The following CRMP1 variants were observed in gnomAD, a reference collection of about 807,000 sequenced individuals.
CRMP1 encodes dihydropyrimidinase-related protein 1.
A neutral mutation model predicts 68.3 loss-of-function variants in CRMP1; 19 were observed. That is an observed-to-expected ratio of 0.28 (90% CI 0.19 to 0.41). The LOEUF (loss-of-function observed/expected upper bound fraction) is 0.41, where lower values mean the gene tolerates loss of function less well. Among genes scored for constraint, CRMP1 ranks in the 10% least tolerant of loss-of-function variants. The pLI, the probability that CRMP1 is intolerant of heterozygous loss-of-function variation, is 1.00. For missense variants in CRMP1, 791 were observed against 967.4 expected, an observed-to-expected ratio of 0.82 and a Z score of 2.42; for synonymous variants, 439 against 399.6, an observed-to-expected ratio of 1.10 and a Z score of -1.18.
chr4:5,865,734 T>A lies in CRMP1; in HGVS notation c.470+934A>T, dbSNP rs78806060. On this transcript the variant is annotated intron_variant, in intron 2 of 13. Coordinates refer to ENST00000324989, the MANE Select transcript of CRMP1 (RefSeq NM_001014809.3). This position sits in a 1 kb window ranked among gnomAD's most constrained non-coding sequence, Gnocchi z 4.1. Reference sequence around the variant, plus strand: ...CCCCAGCCCACCCCATGGGACTACCTTTAGCGACAGGGCCTTTAAGGAGGT... The same window carrying A: ...CCCCAGCCCACCCCATGGGACTACCATTAGCGACAGGGCCTTTAAGGAGGT... 0.021 allele frequency among the ~76,000 whole-genome samples: 3,259 copies of A among 152,086 alleles called. 97 individuals are homozygous for A. Among genetic ancestry groups the A allele is most frequent in the African/African-American group, 0.068 (2,820 of 41,484 alleles).
rs16837738 is a variant in CRMP1, at chr4:5,849,004, T to C, written c.963+388A>G. On this transcript the variant is annotated intron_variant, in intron 6 of 13. Coordinates refer to ENST00000324989, the MANE Select transcript of CRMP1 (RefSeq NM_001014809.3). ...ATTCAAGCCATGGCACATAATATCA[T>C]TTGATCCACACAATAACACTGCCAG... Among the ~76,000 whole-genome samples, 1,262 of 152,274 alleles carry C rather than the reference T, an allele frequency of 8.3e-3. 16 individuals are homozygous for C. Among genetic ancestry groups the C allele is most frequent in the African/African-American group, 0.028 (1,183 of 41,540 alleles).
Position 5,892,738 on chromosome 4 carries a change from G to C in CRMP1, c.232C>G (p.Pro78Ala). 8.2e-7 allele frequency: 1 copy of C among 1,224,708 alleles called. No individual in the cohort carries two copies. The highest frequency in any genetic ancestry group is 1.0e-6 in the Non-Finnish European group (1 of 985,004). 75.9% of individuals were successfully genotyped at this position (1,224,708 alleles called of 1,614,324 possible). The change falls in exon 1 of 14, where the codon CCG becomes GCG. Residue 78 changes from proline to alanine, a missense_variant. Coordinates refer to ENST00000324989, the MANE Select transcript of CRMP1 (RefSeq NM_001014809.3). The surrounding 1 kb of genome is among the most constrained non-coding windows in gnomAD (Gnocchi z 8.6). The stretch of plus-strand genomic sequence containing the variant: ...CTGGCCGTGTCCTCGCTGCCTCCCG[G>C]CCCTGGCAGCCCGACCGCGTCGGGC... ...GRPDAVGLPG[P>A]GGSEDTASDV...
chr4:5,862,918 G>A (rs1366319080), intron 2 of CRMP1, among the ~76,000 whole-genome samples: 3 of 152,034 alleles, frequency 2.0e-5, no homozygotes, highest in Non-Finnish European at 2.9e-5. Context: ...CGATCCTCCC[G>A]CCTCAGCCTC....
chr4:5,892,755 G>T lies in CRMP1; in HGVS notation c.215C>A (p.Ala72Glu). 1 of 1,230,368 alleles carries T rather than the reference G, an allele frequency of 8.1e-7. No homozygotes were observed. Among genetic ancestry groups the T allele is most frequent in the South Asian group, 3.5e-5 (1 of 28,672 alleles). 76.2% of individuals were successfully genotyped at this position (1,230,368 alleles called of 1,614,324 possible). Residue 72 changes from alanine to glutamate, a missense_variant, in exon 1 of 14, where the codon GCG (alanine) becomes GAG (glutamate). By Grantham distance (107) the Ala-to-Glu change is moderately radical. Transcript: ENST00000324989. This position sits in a 1 kb window ranked among gnomAD's most constrained non-coding sequence, Gnocchi z 8.6. ...GCCTCCCGGCCCTGGCAGCCCGACCGCGTCGGGCCGGCCAGCGCTGCGCGG... is the reference window on the plus strand; with the variant it reads ...GCCTCCCGGCCCTGGCAGCCCGACCTCGTCGGGCCGGCCAGCGCTGCGCGG... ...RTPRSAGRPD[A>E]VGLPGPGGSE... is the part of the protein sequence containing the mutation.
rs2152427136 is a variant in CRMP1 at position 5,821,934 on chromosome 4, T to C, written c.1970-83A>G. 1.6e-6 allele frequency: 2 copies of C among 1,252,428 alleles called. No homozygotes were observed. The highest frequency in any genetic ancestry group is 5.0e-5 in the East Asian group (2 of 39,704). 77.6% of individuals were successfully genotyped at this position (1,252,428 alleles called of 1,614,324 possible). ...CTCCTGGAGGCCATGTACTCTGCCA[T>C]GCACTCCACTGGACCCACCTTCATT... On this transcript the variant is annotated intron_variant, in intron 13 of 13. Transcript: ENST00000324989. This position sits in a 1 kb window ranked among gnomAD's most constrained non-coding sequence, Gnocchi z 4.4.
chr4:5,868,268 T>TC (rs1220342414), intron 1 of CRMP1, among the ~76,000 whole-genome samples: 2 of 14,512 alleles, frequency 1.4e-4, no homozygotes, highest in African/African-American at 3.7e-4. Flanking sequence ...TATCTATATA[T>TC]ATATATATAT....
chr4:5,837,057 C>A, intron 9 of CRMP1, 151 bp from the exon 10 acceptor site: 2 of 866,354 alleles, frequency 2.3e-6, no homozygotes, highest in Non-Finnish European at 3.5e-6. Context: ...TGTGCCTGCA[C>A]GTGTCACAAG....
Position 5,843,991 on chromosome 4 carries a change from C to T in CRMP1, c.964-830G>A, listed in dbSNP as rs1431981134. Among the ~76,000 whole-genome samples, 2 of 152,104 alleles carry T rather than the reference C, an allele frequency of 1.3e-5. No homozygotes were observed. The highest frequency in any genetic ancestry group is 2.1e-4 in the South Asian group (1 of 4,822). ...AAAATAAAAAAAAAATTTGACATTG[C>T]CCAGATGCCAGCTGTACTGCTGCTA... On this transcript the variant is annotated intron_variant, in intron 6 of 13. Coordinates refer to ENST00000324989, the MANE Select transcript of CRMP1 (RefSeq NM_001014809.3). The surrounding 1 kb of genome is among the most constrained non-coding windows in gnomAD (Gnocchi z 4.1).
At position 5,842,114 on chromosome 4, in the gene CRMP1, T is replaced by C. The variant is rs1711774272; in HGVS notation, c.1033-686A>G. 2.0e-5 allele frequency among the ~76,000 whole-genome samples: 3 copies of C among 152,168 alleles called. No individual in the cohort carries two copies. The South Asian group carries it at 6.2e-4, about 32-fold the overall frequency. ...ATTAGCCAGTGTGGTGGCAGGTGCC[T>C]GTAGTCCCAGCTACTTGGGAGGCTG... is the stretch of plus-strand genomic sequence containing the variant. On this transcript the variant is annotated intron_variant, in intron 7 of 13. Transcript: ENST00000324989. The surrounding 1 kb of genome is among the most constrained non-coding windows in gnomAD (Gnocchi z 4.5).
chr4:5,843,074 C>T lies in CRMP1; in HGVS notation c.1032+19G>A. 2 of 1,612,942 alleles carry T rather than the reference C, an allele frequency of 1.2e-6. No individual in the cohort carries two copies. The highest frequency in any genetic ancestry group is 1.7e-6 in the Non-Finnish European group (2 of 1,179,292). On this transcript the variant is annotated intron_variant, in intron 7 of 13. Coordinates refer to ENST00000324989, the MANE Select transcript of CRMP1 (RefSeq NM_001014809.3). The surrounding 1 kb of genome is among the most constrained non-coding windows in gnomAD (Gnocchi z 4.1). ...CAGTGGTGAGTGTCAGAGTCATGCC[C>T]AAGTTGAGGAGTCCTTACCTCTTCA... is the stretch of plus-strand genomic sequence containing the variant.
Position 5,870,091 on chromosome 4 carries a change from T to C in CRMP1, c.382-3335A>G, listed in dbSNP as rs1714336577. ...AAAGCTTCTTGCATCAGAATCATAC[T>C]TCCCTCAGAGTGAAAGCCAAGGTCA... On this transcript the variant is annotated intron_variant, in intron 1 of 13. Transcript: ENST00000324989. The surrounding 1 kb of genome is among the most constrained non-coding windows in gnomAD (Gnocchi z 6.0). 6.6e-6 allele frequency among the ~76,000 whole-genome samples: 1 copy of C among 152,190 alleles called. No individual in the cohort carries two copies. Among genetic ancestry groups the C allele is most frequent in the East Asian group, 1.9e-4 (1 of 5,192 alleles).
At chr4:5,827,697 C>T (rs1345278946) in intron 12 of CRMP1, among the ~76,000 whole-genome samples, 1 of 151,332 alleles carries the variant, frequency 6.6e-6, no homozygotes, top group African/African-American at 2.4e-5. Context: ...TACACATGCA[C>T]ACATGACACG....
Position 5,877,635 on chromosome 4 carries a change from AACAC to A in CRMP1, c.382-10883_382-10880del, listed in dbSNP as rs1714930998. On this transcript the variant is annotated intron_variant, in intron 1 of 13. Coordinates refer to ENST00000324989, the MANE Select transcript of CRMP1 (RefSeq NM_001014809.3). This position sits in a 1 kb window ranked among gnomAD's most constrained non-coding sequence, Gnocchi z 4.3. ...AACCGGTATGAGCCTGAATCTAATT[AACAC>A]ACATTCGTTCCCCCTCTCACGGGTA... is the stretch of plus-strand genomic sequence containing the variant. Among the ~76,000 whole-genome samples, 1 of 152,258 alleles carries A rather than the reference AACAC, an allele frequency of 6.6e-6. No homozygotes were observed. Among genetic ancestry groups the A allele is most frequent in the Non-Finnish European group, 1.5e-5 (1 of 68,044 alleles).
At chr4:5,862,851 C>T (rs1194713575) in intron 2 of CRMP1, among the ~76,000 whole-genome samples, 3 of 152,160 alleles carry the variant, frequency 2.0e-5, no homozygotes, top group Non-Finnish European at 4.4e-5. Flanking sequence ...GTCAGCCAGG[C>T]TGGAGTACAG....
chr4:5,885,770 C>G (rs1715541759), intron 1 of CRMP1, among the ~76,000 whole-genome samples: 1 of 152,202 alleles, frequency 6.6e-6, no homozygotes, highest in Non-Finnish European at 1.5e-5. Context: ...CTAGAAGGGC[C>G]AGGGCAAACC....
At chr4:5,884,533 A>G (rs1048479824) in intron 1 of CRMP1, among the ~76,000 whole-genome samples, 2 of 151,484 alleles carry the variant, frequency 1.3e-5, no homozygotes, top group African/African-American at 4.8e-5. Context: ...CAGCCCACCT[A>G]TCCTCCCTGC....
At position 5,842,667 on chromosome 4, in the gene CRMP1, CAT is replaced by C. The variant is rs1228663854; in HGVS notation, c.1032+424_1032+425del. On this transcript the variant is annotated intron_variant, in intron 7 of 13. Coordinates refer to ENST00000324989, the MANE Select transcript of CRMP1 (RefSeq NM_001014809.3). This position sits in a 1 kb window ranked among gnomAD's most constrained non-coding sequence, Gnocchi z 4.5. ...TGTCTCTCTCACACACACACACTAA[CAT>C]ACACACACTCACACACACACATACA... Among the ~76,000 whole-genome samples the C allele has an allele frequency of 6.6e-6, 1 of 151,496 alleles. No homozygotes were observed. The highest frequency in any genetic ancestry group is 1.5e-5 in the Non-Finnish European group (1 of 67,862).
At position 5,825,803 on chromosome 4, in the gene CRMP1, G is replaced by A. The variant is rs1001062655; in HGVS notation, c.1804-144C>T. Reference sequence around the variant, plus strand: ...ACACACACACACAACACGCACACACGACAGGTGCACTTCACACACATGCAG... The same window carrying A: ...ACACACACACACAACACGCACACACAACAGGTGCACTTCACACACATGCAG... On this transcript the variant is annotated intron_variant, in intron 12 of 13. Coordinates refer to ENST00000324989, the MANE Select transcript of CRMP1 (RefSeq NM_001014809.3). This position sits in a 1 kb window ranked among gnomAD's most constrained non-coding sequence, Gnocchi z 4.4. 1.4e-5 allele frequency: 10 copies of A among 726,404 alleles called. No individual in the cohort carries two copies. Among genetic ancestry groups the A allele is most frequent in the South Asian group, 7.3e-5 (4 of 54,460 alleles). 45.0% of individuals were successfully genotyped at this position (726,404 alleles called of 1,614,324 possible).
intron 10 of CRMP1, 74 bp downstream of exon 10, chr4:5,836,691 G>A (rs903665123): frequency 5.0e-6 from 8 of 1,606,270 alleles, no homozygotes; most frequent in Admixed American, 3.3e-5. Flanking sequence ...AGAACCCAGC[G>A]TGCATAATGC....
Sources: allele counts gnomAD v4.1 joint callset (sites outside exome capture counted in the v4.1 genomes callset), GRCh38; gene constraint gnomAD v4.1.1; non-coding constraint Gnocchi (gnomAD v3.1); transcripts MANE v1.5; gene names NCBI Gene and HGNC (gene_info 2026-07-23, HGNC 2026-07-21).